The following PATJ variants were observed in gnomAD, a reference collection of about 807,000 sequenced individuals.
PATJ encodes the protein PATJ crumbs cell polarity complex component, also known as inaD-like protein.
A neutral mutation model predicts 224.9 loss-of-function variants in PATJ; 190 were observed. That is an observed-to-expected ratio of 0.84 (90% confidence interval 0.75 to 0.95). The LOEUF (loss-of-function observed/expected upper bound fraction) is 0.95, where lower values mean the gene tolerates loss of function less well. Ranked by LOEUF, PATJ falls within the 40% of genes least tolerant of loss-of-function variation. The pLI is 0.00. For missense variants in PATJ, 2,121 were observed against 2,270.3 expected (o/e 0.93, Z 1.34); for synonymous variants, 769 against 820.3 (o/e 0.94, Z 1.07).
intron 22 of PATJ, among the ~76,000 whole-genome samples, chr1:61,885,577 T>C (rs1322180880): frequency 6.6e-6 from 1 of 152,192 alleles, no homozygotes; most frequent in Non-Finnish European, 1.5e-5. Context: ...ACACTGTTGG[T>C]GGGACTATAA....
intron 27 of PATJ, among the ~76,000 whole-genome samples, chr1:61,933,128 A>G (rs1676274945): frequency 6.6e-6 from 1 of 152,212 alleles, no homozygotes. Flanking sequence ...TGAAAAAATT[A>G]AGAAACAATG....
In PATJ at chr1:61,866,676, T is replaced by C. The variant is rs140907120; in HGVS notation, c.2835+2043T>C. On this transcript the variant is annotated intron_variant, in intron 20 of 43. Coordinates refer to ENST00000642238, the MANE Select transcript of PATJ (RefSeq NM_001350145.3). ...AAGTTTGTATTGATGCTCTTCACAATATAACTGTTACCGGAAAGAGGTCCT... is the reference window on the plus strand; with the variant it reads ...AAGTTTGTATTGATGCTCTTCACAACATAACTGTTACCGGAAAGAGGTCCT... 1.8e-3 allele frequency among the ~76,000 whole-genome samples: 268 copies of C among 152,258 alleles called. 3 individuals are homozygous for C. The highest frequency in any genetic ancestry group is 5.8e-3 in the African/African-American group (243 of 41,550).
At chr1:62,050,101 G>A (rs529292111) in intron 30 of PATJ, among the ~76,000 whole-genome samples, 1 of 138,518 alleles carries the variant, frequency 7.2e-6, no homozygotes, top group East Asian at 2.0e-4. Context: ...TGGCGATAGA[G>A]TGAGACTGTC....
chr1:61,846,665 C>T (rs565204381), intron 17 of PATJ, among the ~76,000 whole-genome samples: 5 of 152,282 alleles, frequency 3.3e-5, no homozygotes, highest in South Asian at 4.1e-4. Context: ...GGTGCTATCT[C>T]GGCTCACTGC....
At chr1:61,900,611 A>AC (rs1671003573) in intron 23 of PATJ, among the ~76,000 whole-genome samples, 1 of 151,126 alleles carries the variant, frequency 6.6e-6, no homozygotes, top group Non-Finnish European at 1.5e-5. Flanking sequence ...TTTTTTTGAG[A>AC]CGGAGTCTGG....
At chr1:62,136,189 C>T (rs1283643908) in intron 41 of PATJ, among the ~76,000 whole-genome samples, 1 of 151,828 alleles carries the variant, frequency 6.6e-6, no homozygotes, top group Non-Finnish European at 1.5e-5. Flanking sequence ...CACACCGCCA[C>T]GCCCGGCTAA....
At chr1:61,959,394 A>C (rs1269137233) in intron 27 of PATJ, among the ~76,000 whole-genome samples, 3 of 145,520 alleles carry the variant, frequency 2.1e-5, no homozygotes, top group African/African-American at 7.6e-5. Context: ...GAGCTCTCCC[A>C]CTGCCTATAT....
intron 31 of PATJ, among the ~76,000 whole-genome samples, chr1:62,058,777 G>A (rs1654947868): frequency 6.6e-6 from 1 of 152,152 alleles, no homozygotes; most frequent in African/African-American, 2.4e-5. Flanking sequence ...AGCGTTTCGA[G>A]CTCTAGGCAT....
intron 8 of PATJ, among the ~76,000 whole-genome samples, chr1:61,790,499 TCTTCTTC>T (rs1649572163): frequency 7.0e-6 from 1 of 142,814 alleles, no homozygotes; most frequent in African/African-American, 2.5e-5. Flanking sequence ...TTCTTCTTTT[TCTTCTTC>T]TTTTTTTTGT....
chr1:62,077,511 A>G (rs955137570), intron 31 of PATJ, among the ~76,000 whole-genome samples: 2 of 152,036 alleles, frequency 1.3e-5, no homozygotes, highest in Admixed American at 1.3e-4. Context: ...CAACATAGCA[A>G]AACTCCATCT....
chr1:61,831,123 G>A (rs1165236778), intron 16 of PATJ, among the ~76,000 whole-genome samples: 1 of 151,270 alleles, frequency 6.6e-6, no homozygotes, highest in Non-Finnish European at 1.5e-5. Context: ...GAGAGGTGGA[G>A]GTTGCAGTGA....
At chr1:62,132,618 A>G (rs1418318495) in intron 41 of PATJ, among the ~76,000 whole-genome samples, 1 of 152,108 alleles carries the variant, frequency 6.6e-6, no homozygotes, top group African/African-American at 2.4e-5. Context: ...AATTATATAA[A>G]TGGGCCGGGT....
chr1:61,812,219 T>C (rs148628083), intron 14 of PATJ, among the ~76,000 whole-genome samples: 19 of 152,284 alleles, frequency 1.2e-4, no homozygotes, highest in African/African-American at 4.6e-4. Flanking sequence ...TCTTTTTGTT[T>C]GGGTATATCT....
chr1:61,781,212 T>C (rs1557633455), intron 7 of PATJ, among the ~76,000 whole-genome samples: 1 of 152,322 alleles, frequency 6.6e-6, no homozygotes, highest in East Asian at 1.9e-4. Flanking sequence ...TTTCCTGATA[T>C]ACACCTGTGC....
At chr1:61,810,093 A>G (rs1343760654) in intron 14 of PATJ, among the ~76,000 whole-genome samples, 3 of 151,630 alleles carry the variant, frequency 2.0e-5, no homozygotes, top group Non-Finnish European at 2.9e-5. Flanking sequence ...CAGGTGATCC[A>G]CCTGCCTCGG....
chr1:62,059,707 A>T (rs1024788051), intron 31 of PATJ, among the ~76,000 whole-genome samples: 5 of 152,192 alleles, frequency 3.3e-5, no homozygotes, highest in Non-Finnish European at 5.9e-5. Flanking sequence ...TCAGTTAGAA[A>T]ATGTCAAAAC....
At chr1:62,057,856 G>T (rs1654805575) in intron 31 of PATJ, among the ~76,000 whole-genome samples, 1 of 152,196 alleles carries the variant, frequency 6.6e-6, no homozygotes, top group Non-Finnish European at 1.5e-5. Context: ...CAAGAGAACT[G>T]TGTTAGAATT....
At chr1:62,021,456 G>A (rs12073709) in intron 29 of PATJ, among the ~76,000 whole-genome samples, 60,044 of 151,954 alleles carry the variant, frequency 0.4, 12,656 homozygotes, top group African/African-American at 0.53. Context: ...TACAGTGTGT[G>A]GCATATAATG....
Position 61,988,813 on chromosome 1 carries a change from C to G in PATJ, c.3671-1355C>G, listed in dbSNP as rs535281712. On this transcript the variant is annotated intron_variant, in intron 27 of 43. Transcript: ENST00000642238. ...TGGTAAAGTGATAGAGTGGACTGGG[C>G]TGTCTTCTTCCCCACTCTACCTTAA... 5.9e-5 allele frequency among the ~76,000 whole-genome samples: 9 copies of G among 152,304 alleles called. 1 individual carries two copies. The highest frequency in any genetic ancestry group is 1.2e-4 in the Non-Finnish European group (8 of 68,020).
Sources: allele counts gnomAD v4.1 joint callset (sites outside exome capture counted in the v4.1 genomes callset), GRCh38; gene constraint gnomAD v4.1.1; transcripts MANE v1.5; gene names NCBI Gene and HGNC (gene_info 2026-07-23, HGNC 2026-07-21).